Variants in MTREX observed in about 807,000 individuals in gnomAD.
The protein encoded by MTREX is Mtr4 exosome RNA helicase.
Under a neutral mutation model 135.4 loss-of-function variants are expected in MTREX, and 76 were observed. That is an observed-to-expected ratio of 0.56 (90% CI 0.47 to 0.68). MTREX has a LOEUF of 0.68. MTREX is among the 30% of genes least tolerant of loss of function. The pLI, the probability that MTREX is intolerant of heterozygous loss-of-function variation, is 0.00. For synonymous variants in MTREX, 404 were observed against 401.6 expected (o/e 1.01, Z -0.07); for missense variants, 920 against 1,262.1 (o/e 0.73, Z 4.11).
In MTREX at chr5:55,400,372, A is replaced by G. The variant is rs369378075; in HGVS notation, c.2432A>G (p.Asn811Ser). 133 of 1,611,910 alleles carry G rather than the reference A, an allele frequency of 8.3e-5. No individual in the cohort carries two copies. Among genetic ancestry groups the G allele is most frequent in the Non-Finnish European group, 1.1e-4 (127 of 1,179,214 alleles). ...CGAATGTATTCTCATCCACTTCACA[A>G]TGATCCAAATTTGGAAACTGTGTAT... ...EHRMYSHPLHNDPNLETVYTL... is the reference protein window; with the variant it reads ...EHRMYSHPLHSDPNLETVYTL... Residue 811 changes from asparagine (N) to serine (S), a missense_variant, in exon 21 of 27, where the codon AAT becomes AGT. Physicochemically the swap from Asn to Ser is conservative, Grantham distance 46. Around this residue, in one of 6 missense-constraint regions of MTREX, gnomAD observed 467 missense variants for 589.7 expected, o/e 0.79. Transcript: ENST00000230640.
intron 16 of MTREX, among the ~76,000 whole-genome samples, chr5:55,374,148 C>T (rs1036526988): frequency 2.0e-5 from 3 of 151,818 alleles, no homozygotes; most frequent in Admixed American, 6.6e-5. Context: ...ATTCCAGTTA[C>T]TCAGAAGGCT....
At chr5:55,370,643 G>A (rs893891359) in intron 16 of MTREX, among the ~76,000 whole-genome samples, 3 of 152,268 alleles carry the variant, frequency 2.0e-5, no homozygotes, top group East Asian at 3.9e-4. Context: ...GGAAGAGGTA[G>A]GAATTTGAGT....
At chr5:55,366,602 A>T in intron 15 of MTREX, 123 bp from the exon 16 acceptor site, 1 of 653,226 alleles carries the variant, frequency 1.5e-6, no homozygotes, top group East Asian at 3.2e-5. Flanking sequence ...ACTAAAGGGT[A>T]GAACTAATAC....
chr5:55,402,094 A>G (rs1357709364), intron 21 of MTREX, among the ~76,000 whole-genome samples: 1 of 152,196 alleles, frequency 6.6e-6, no homozygotes, highest in African/African-American at 2.4e-5. Flanking sequence ...TAATAGAGTA[A>G]TGTGTTCAGT....
At chr5:55,334,792 T>C (rs1318689220) in intron 5 of MTREX, among the ~76,000 whole-genome samples, 1 of 152,092 alleles carries the variant, frequency 6.6e-6, no homozygotes, top group African/African-American at 2.4e-5. Context: ...ATTATAATAC[T>C]GATGTAAACA....
At chr5:55,359,380 C>G (rs1749972817) in intron 15 of MTREX, among the ~76,000 whole-genome samples, 1 of 152,126 alleles carries the variant, frequency 6.6e-6, no homozygotes, top group African/African-American at 2.4e-5. Context: ...TTATTAGCTA[C>G]TTAAAAGTAG....
At position 55,327,798 on chromosome 5, in the gene MTREX, C is replaced by T; in HGVS notation, c.402+20C>T. The T allele has an allele frequency of 1.3e-6, 2 of 1,563,882 alleles. No homozygotes were observed. The highest frequency in any genetic ancestry group is 1.8e-6 in the Non-Finnish European group (2 of 1,139,254). On this transcript the variant is annotated intron_variant, in intron 4 of 26. Transcript: ENST00000230640. ...GCTAAGGTCTGTACTTTGGGTAATA[C>T]AGTTTATATAGTTTCGTGAGACTCT...
intron 4 of MTREX, 75 bp from the exon 5 acceptor site, chr5:55,328,624 C>T (rs1749419846): frequency 3.1e-6 from 3 of 972,872 alleles, no homozygotes; most frequent in South Asian, 2.8e-5. Flanking sequence ...GGGTAGCCTG[C>T]TTGTGTTTTG....
intron 5 of MTREX, among the ~76,000 whole-genome samples, chr5:55,339,722 T>G (rs184700844): frequency 1.1e-4 from 17 of 152,348 alleles, no homozygotes; most frequent in Non-Finnish European, 2.2e-4. Flanking sequence ...AAGCCCGTCT[T>G]AGAACCAAAG....
chr5:55,351,626 ACTT>A lies in MTREX; in HGVS notation c.1431+601_1431+603del, dbSNP rs534216011. ...TTAATTACTAAACCCGGGGTTGTAA[ACTT>A]CTTTCTGCATACAGAATAAAAGGAT... is the stretch of plus-strand genomic sequence containing the variant. On this transcript the variant is annotated intron_variant, in intron 13 of 26. Transcript: ENST00000230640. Among the ~76,000 whole-genome samples, 87 of 152,330 alleles carry A rather than the reference ACTT, an allele frequency of 5.7e-4. 3 individuals are homozygous for A. The South Asian group carries it at 0.018, about 31-fold the overall frequency.
Position 55,401,105 on chromosome 5 carries a change from G to A in MTREX, c.2481+684G>A, listed in dbSNP as rs542543227. Among the ~76,000 whole-genome samples the A allele has an allele frequency of 7.2e-5, 11 of 152,262 alleles. No individual in the cohort carries two copies. In the South Asian group the frequency reaches 2.1e-3, roughly 29 times the overall value. On this transcript the variant is annotated intron_variant, in intron 21 of 26. Transcript: ENST00000230640. ...GCTTCAGTCCAGTGGCATGATTATG[G>A]CTCACTGCAACCTCTGCCTCCCGGG... is the stretch of plus-strand genomic sequence containing the variant.
chr5:55,333,363 C>T (rs1047331742), intron 5 of MTREX, among the ~76,000 whole-genome samples: 6 of 152,120 alleles, frequency 3.9e-5, no homozygotes, highest in Admixed American at 1.3e-4. Context: ...CCAGTTTCCT[C>T]CTAAGGCACA....
chr5:55,309,192 CTG>C (rs1285125656), intron 1 of MTREX, among the ~76,000 whole-genome samples: 2 of 152,118 alleles, frequency 1.3e-5, no homozygotes, highest in Non-Finnish European at 2.9e-5. Flanking sequence ...GCAAGAGGAA[CTG>C]TTTCATTTAG....
chr5:55,414,052 G>A, intron 23 of MTREX, 130 bp from the exon 24 acceptor site: 1 of 567,174 alleles, frequency 1.8e-6, no homozygotes, highest in Non-Finnish European at 3.0e-6. Context: ...AACTCTAAAT[G>A]CTGATGACTA....
intron 25 of MTREX, among the ~76,000 whole-genome samples, chr5:55,416,921 A>G (rs756635530): frequency 6.6e-6 from 1 of 152,138 alleles, no homozygotes; most frequent in Non-Finnish European, 1.5e-5. Flanking sequence ...AACATGCCAA[A>G]TATTATAGGC....
At chr5:55,396,218 G>C (rs1016125449) in intron 19 of MTREX, among the ~76,000 whole-genome samples, 1 of 152,172 alleles carries the variant, frequency 6.6e-6, no homozygotes, top group South Asian at 2.1e-4. Context: ...TTAGATTAAA[G>C]AAGACTAAGG....
chr5:55,360,332 T>TG (rs1260161436), intron 15 of MTREX, among the ~76,000 whole-genome samples: 1 of 152,206 alleles, frequency 6.6e-6, no homozygotes, highest in African/African-American at 2.4e-5. Context: ...ATGCCAAACT[T>TG]GATCTGTTCA....
intron 24 of MTREX, among the ~76,000 whole-genome samples, 174 bp from the exon 25 acceptor site, chr5:55,415,796 T>C (rs939254043): frequency 6.6e-6 from 1 of 152,188 alleles, no homozygotes; most frequent in East Asian, 1.9e-4. Context: ...ATTGGCCGTT[T>C]AATCACTTAG....
At chr5:55,396,083 ATAAC>A (rs892887716) in intron 19 of MTREX, among the ~76,000 whole-genome samples, 18 of 152,364 alleles carry the variant, frequency 1.2e-4, no homozygotes, top group Admixed American at 1.1e-3. Context: ...TAGGCAAAAT[ATAAC>A]TAATTAGTGA....
Sources: gnomAD v4.1 joint callset for allele counts (sites outside exome capture counted in the v4.1 genomes callset) on GRCh38, gnomAD v4.1.1 for gene constraint, gnomAD v4.1.1 regional missense constraint, MANE v1.5 for transcripts, NCBI Gene and HGNC (gene_info 2026-07-23, HGNC 2026-07-21) for gene names.